DCC: variants seen among roughly 807,000 people sequenced by gnomAD.
DCC encodes the protein DCC netrin 1 receptor.
DCC carries 58 observed loss-of-function variants against 172.5 expected under a neutral mutation model. The ratio of observed to expected loss-of-function variants is 0.34; its 90% CI spans 0.27 to 0.42. DCC has a LOEUF of 0.42. DCC is among the 10% of genes least tolerant of loss of function. DCC has a pLI of 1.00. For synonymous variants in DCC, 709 were observed against 644.5 expected (o/e 1.10, Z -1.52); for missense variants, 1,740 against 1,791.0 (o/e 0.97, Z 0.51).
chr18:53,113,865 A>G (rs1424114436), intron 7 of DCC, among the ~76,000 whole-genome samples: 1 of 151,314 alleles, frequency 6.6e-6, no homozygotes, highest in Admixed American at 6.6e-5. Flanking sequence ...ACTTTCTGTC[A>G]TTTTATTATG....
At chr18:53,110,053 A>C (rs2043307888) in intron 7 of DCC, among the ~76,000 whole-genome samples, 1 of 151,658 alleles carries the variant, frequency 6.6e-6, no homozygotes, top group African/African-American at 2.4e-5. Flanking sequence ...TTGAATGAAA[A>C]CCATTTTTTC....
At chr18:52,366,809 C>G (rs1179394116) in intron 1 of DCC, among the ~76,000 whole-genome samples, 1 of 152,244 alleles carries the variant, frequency 6.6e-6, no homozygotes, top group Non-Finnish European at 1.5e-5. Context: ...CTCTCCACCT[C>G]CCCACCAGAC....
rs8088181 is a variant in DCC at position 52,458,408 on chromosome 18, G to A, written c.91+117530G>A. 4.5e-3 allele frequency among the ~76,000 whole-genome samples: 688 copies of A among 152,246 alleles called. 9 individuals are homozygous for A. Among genetic ancestry groups the A allele is most frequent in the African/African-American group, 0.016 (666 of 41,546 alleles). ...AGGGGTACTGGGTGCAGTACTCTAT[G>A]TCGTTCAATCTTAAGCAGCAGAGGT... On this transcript the variant is annotated intron_variant, in intron 1 of 28. Transcript: ENST00000442544.
At chr18:53,072,892 C>T (rs1231152186) in intron 7 of DCC, among the ~76,000 whole-genome samples, 2 of 152,154 alleles carry the variant, frequency 1.3e-5, no homozygotes, top group East Asian at 3.9e-4. Flanking sequence ...AGGCCAGACA[C>T]TTAACTCCAA....
intron 2 of DCC, among the ~76,000 whole-genome samples, chr18:52,868,736 T>C (rs1035143485): frequency 6.6e-6 from 1 of 152,256 alleles, no homozygotes; most frequent in Non-Finnish European, 1.5e-5. Flanking sequence ...TGGCAGACAC[T>C]GCTCAGCTCA....
At position 53,091,425 on chromosome 18, in the gene DCC, C is replaced by A; in HGVS notation, c.1261+25259C>A. Among the ~76,000 whole-genome samples, 3 of 149,226 alleles carry A rather than the reference C, an allele frequency of 2.0e-5. No homozygotes were observed. The South Asian group carries it at 6.3e-4, about 31-fold the overall frequency. On this transcript the variant is annotated intron_variant, in intron 7 of 28. Coordinates refer to ENST00000442544, the MANE Select transcript of DCC (RefSeq NM_005215.4). The stretch of plus-strand genomic sequence containing the variant: ...ATATATGTATATATACACACACACA[C>A]GCACAATTCAAGCATAATAATATGC...
chr18:53,293,550 T>C (rs1368112917), intron 12 of DCC, among the ~76,000 whole-genome samples: 1 of 152,186 alleles, frequency 6.6e-6, no homozygotes, highest in East Asian at 1.9e-4. Flanking sequence ...GGGCTTGTTG[T>C]ACAGATTATT....
At chr18:53,414,537 C>T (rs754608435) in intron 20 of DCC, among the ~76,000 whole-genome samples, 5 of 152,020 alleles carry the variant, frequency 3.3e-5, no homozygotes, top group Non-Finnish European at 5.9e-5. Flanking sequence ...TTTAAAATAA[C>T]GCTTATAGAA....
intron 27 of DCC, among the ~76,000 whole-genome samples, chr18:53,504,870 C>G (rs953435526): frequency 6.6e-6 from 1 of 152,126 alleles, no homozygotes; most frequent in South Asian, 2.1e-4. Flanking sequence ...CCAAGGTCAA[C>G]AATTGAGGTG....
In DCC at chr18:52,880,429, G is replaced by A. The variant is rs76765045; in HGVS notation, c.413-25615G>A. On this transcript the variant is annotated intron_variant, in intron 2 of 28. Coordinates refer to ENST00000442544, the MANE Select transcript of DCC (RefSeq NM_005215.4). ...CTCCCAAAGTGTTAGGATTACAGGCGTTAGCCACCTTGCCCGGCCTTATTC... is the reference window on the plus strand; with the variant it reads ...CTCCCAAAGTGTTAGGATTACAGGCATTAGCCACCTTGCCCGGCCTTATTC... Among the ~76,000 whole-genome samples the A allele has an allele frequency of 1.3e-3, 192 of 152,188 alleles. 2 individuals are homozygous for A. The highest frequency in any genetic ancestry group is 4.3e-3 in the African/African-American group (178 of 41,532).
chr18:52,973,106 G>A (rs908990524), intron 5 of DCC, among the ~76,000 whole-genome samples: 4 of 152,180 alleles, frequency 2.6e-5, no homozygotes, highest in African/African-American at 9.7e-5. Flanking sequence ...ATCAATGTTT[G>A]TTGAATGGAT....
intron 12 of DCC, among the ~76,000 whole-genome samples, chr18:53,304,982 C>T (rs1599004114): frequency 2.0e-5 from 3 of 152,236 alleles, no homozygotes; most frequent in Admixed American, 2.0e-4. Context: ...GTGCTGTTCT[C>T]ATGATAGTAA....
chr18:53,243,732 A>C lies in DCC; in HGVS notation c.1911+28135A>C, dbSNP rs553996462. On this transcript the variant is annotated intron_variant, in intron 12 of 28. Transcript: ENST00000442544. ...GAGATTATCATGGAGTATTAACGACATAATGTTTGTATACAAAACAGGGTC... is the reference window on the plus strand; with the variant it reads ...GAGATTATCATGGAGTATTAACGACCTAATGTTTGTATACAAAACAGGGTC... Among the ~76,000 whole-genome samples the C allele has an allele frequency of 2.6e-5, 4 of 152,304 alleles. No individual in the cohort carries two copies. In the East Asian group the frequency reaches 7.7e-4, roughly 29 times the overall value.
At chr18:52,630,939 A>G (rs1394140260) in intron 1 of DCC, among the ~76,000 whole-genome samples, 1 of 152,126 alleles carries the variant, frequency 6.6e-6, no homozygotes. Flanking sequence ...CTCGAGTACT[A>G]TGCCCTTAGT....
chr18:53,514,259 C>G (rs1369118601), intron 27 of DCC, among the ~76,000 whole-genome samples: 1 of 151,860 alleles, frequency 6.6e-6, no homozygotes, highest in Non-Finnish European at 1.5e-5. Flanking sequence ...CCAACGAGAA[C>G]AAAGACACAA....
At chr18:52,546,283 G>A (rs2032614314) in intron 1 of DCC, among the ~76,000 whole-genome samples, 1 of 152,174 alleles carries the variant, frequency 6.6e-6, no homozygotes, top group Non-Finnish European at 1.5e-5. Context: ...TGATGGGGAT[G>A]TGTGGATGCC....
chr18:53,273,590 T>C (rs548681000), intron 12 of DCC, among the ~76,000 whole-genome samples: 1 of 152,138 alleles, frequency 6.6e-6, no homozygotes, highest in Admixed American at 6.6e-5. Flanking sequence ...ATTTCATGAG[T>C]GTTGCCTGAA....
intron 2 of DCC, among the ~76,000 whole-genome samples, chr18:52,853,907 G>T (rs574606673): frequency 6.6e-6 from 1 of 152,326 alleles, no homozygotes; most frequent in East Asian, 1.9e-4. Context: ...TAAATGAGGA[G>T]AGGCAGGAGT....
chr18:53,092,966 G>T (rs1368296824), intron 7 of DCC, among the ~76,000 whole-genome samples: 1 of 111,270 alleles, frequency 9.0e-6, no homozygotes, highest in Non-Finnish European at 1.8e-5. Context: ...ATGAACAACT[G>T]CATTACTATT....
Sources: gnomAD v4.1 joint callset for allele counts (sites outside exome capture counted in the v4.1 genomes callset) on GRCh38, gnomAD v4.1.1 for gene constraint, MANE v1.5 for transcripts, NCBI Gene and HGNC (gene_info 2026-07-23, HGNC 2026-07-21) for gene names.